DNER: variants seen among roughly 807,000 people sequenced by gnomAD.
The protein encoded by DNER is delta and Notch-like epidermal growth factor-related receptor.
In DNER, 33 loss-of-function variants were observed where a neutral mutation model predicts 78.2. That is an observed-to-expected ratio of 0.42 (90% CI 0.32 to 0.56). The LOEUF is 0.56. DNER is among the 20% of genes least tolerant of loss of function. The probability of loss-of-function intolerance (pLI) is 0.11; values close to 1 mark genes in which losing one functional copy is unlikely to be tolerated. For missense variants in DNER, 918 were observed against 975.3 expected, an observed-to-expected ratio of 0.94 and a Z score of 0.78; for synonymous variants, 417 against 384.8, an observed-to-expected ratio of 1.08 and a Z score of -0.98.
At chr2:229,450,185 T>C (rs1282673204) in intron 7 of DNER, among the ~76,000 whole-genome samples, 1 of 152,238 alleles carries the variant, frequency 6.6e-6, no homozygotes, top group Admixed American at 6.5e-5. Context: ...CTCTGTCAAC[T>C]CTTTTAGTTG....
intron 8 of DNER, among the ~76,000 whole-genome samples, chr2:229,433,986 T>C (rs1447653400): frequency 6.6e-6 from 1 of 152,218 alleles, no homozygotes; most frequent in East Asian, 1.9e-4. Flanking sequence ...CAATCTAAGG[T>C]AACAATTTTT....
rs1283921227 is a variant in DNER, at chr2:229,668,558, A to G, written c.276+45590T>C. ...TGTGTATATATATATATATATATAT[A>G]TATATATATATATATATATATAAAA... On this transcript the variant is annotated intron_variant, in intron 1 of 12. Transcript: ENST00000341772. Among the ~76,000 whole-genome samples, 34 of 124,872 alleles carry G rather than the reference A, an allele frequency of 2.7e-4. No homozygotes were observed. The East Asian group carries it at 3.6e-3, about 13-fold the overall frequency. 81.9% of individuals were successfully genotyped at this position (124,872 alleles called of 152,430 possible). A position where few individuals can be genotyped will look rare whatever the true frequency, so the allele number is the denominator to read the frequency against.
Position 229,591,469 on chromosome 2 carries a change from G to A in DNER, c.585+111C>T, listed in dbSNP as rs188562559. The A allele has an allele frequency of 3.6e-5, 48 of 1,324,292 alleles. No individual in the cohort carries two copies. Among genetic ancestry groups the A allele is most frequent in the Admixed American group, 1.2e-4 (4 of 34,654 alleles). The allele number at this position is 1,324,292 out of a possible 1,614,324, so 82.0% of individuals were successfully genotyped here. A position where few individuals can be genotyped will look rare whatever the true frequency, so the allele number is the denominator to read the frequency against. ...TAAGTTTAGGGAGATATTTTGCTTCGTGATTTAACTTAAAATGCTTTCATT... is the reference window on the plus strand; with the variant it reads ...TAAGTTTAGGGAGATATTTTGCTTCATGATTTAACTTAAAATGCTTTCATT... On this transcript the variant is annotated intron_variant, in intron 2 of 12. Transcript: ENST00000341772. The surrounding 1 kb of genome is among the most constrained non-coding windows in gnomAD (Gnocchi z 4.6).
chr2:229,616,217 A>G (rs1347213134), intron 1 of DNER, among the ~76,000 whole-genome samples: 3 of 152,164 alleles, frequency 2.0e-5, no homozygotes, highest in African/African-American at 7.2e-5. Context: ...ACGGACCACC[A>G]CGGGCTATGG....
intron 1 of DNER, among the ~76,000 whole-genome samples, chr2:229,632,768 A>T (rs1420668611): frequency 6.6e-6 from 1 of 152,216 alleles, no homozygotes; most frequent in Non-Finnish European, 1.5e-5. Flanking sequence ...TATTTGCCAC[A>T]AAGTGTTAAC....
chr2:229,408,067 T>A lies in DNER; in HGVS notation c.1610-722A>T, dbSNP rs79298437. Among the ~76,000 whole-genome samples the A allele has an allele frequency of 1.9e-3, 285 of 152,198 alleles. 11 individuals carry two copies. In the East Asian group the frequency reaches 0.05, roughly 27 times the overall value. ...TTGACTGTGGAAATATACAAAACTC[T>A]ATGGAGCTCAGCACTCGTTTAACAA... is the stretch of plus-strand genomic sequence containing the variant. On this transcript the variant is annotated intron_variant, in intron 9 of 12. Coordinates refer to ENST00000341772, the MANE Select transcript of DNER (RefSeq NM_139072.4).
chr2:229,531,634 G>T (rs1376690854), intron 5 of DNER, among the ~76,000 whole-genome samples: 1 of 152,210 alleles, frequency 6.6e-6, no homozygotes, highest in Non-Finnish European at 1.5e-5. Flanking sequence ...GAATTAGCAC[G>T]TGAACCAGCA....
At chr2:229,617,769 C>T (rs1698191111) in intron 1 of DNER, among the ~76,000 whole-genome samples, 1 of 151,940 alleles carries the variant, frequency 6.6e-6, no homozygotes, top group African/African-American at 2.4e-5. Flanking sequence ...GCCTGAGCAA[C>T]ATGGCAAACC....
intron 4 of DNER, among the ~76,000 whole-genome samples, chr2:229,581,295 A>T (rs573532679): frequency 1.6e-3 from 251 of 152,346 alleles, no homozygotes; most frequent in Admixed American, 7.7e-3. Context: ...TTTCATGGAA[A>T]TGTGACTGGA....
At position 229,501,404 on chromosome 2, in the gene DNER, T is replaced by C. The variant is rs77249465; in HGVS notation, c.1147+11379A>G. ...AACCAACTCAAAACCCAATCTGCCA[T>C]ATTCATGCATTCTAGATTACCCATA... On this transcript the variant is annotated intron_variant, in intron 6 of 12. Transcript: ENST00000341772. Among the ~76,000 whole-genome samples, 779 of 151,524 alleles carry C rather than the reference T, an allele frequency of 5.1e-3. 3 individuals are homozygous for C. Among genetic ancestry groups the C allele is most frequent in the African/African-American group, 0.017 (706 of 41,278 alleles).
chr2:229,432,249 T>C (rs1380952127), intron 8 of DNER, among the ~76,000 whole-genome samples: 1 of 152,198 alleles, frequency 6.6e-6, no homozygotes, highest in African/African-American at 2.4e-5. Flanking sequence ...TGGTTTATAA[T>C]TGAGGTGAGG....
At chr2:229,497,294 G>A (rs1695519863) in intron 6 of DNER, among the ~76,000 whole-genome samples, 1 of 152,040 alleles carries the variant, frequency 6.6e-6, no homozygotes, top group South Asian at 2.1e-4. Context: ...ATAGGATGCA[G>A]TTAAAGCAGT....
At position 229,594,500 on chromosome 2, in the gene DNER, T is replaced by C. The variant is rs866433241; in HGVS notation, c.277-2612A>G. 2.0e-5 allele frequency among the ~76,000 whole-genome samples: 3 copies of C among 151,840 alleles called. No individual in the cohort carries two copies. The South Asian group carries it at 6.2e-4, about 31-fold the overall frequency. ...TACTAGAGAGGCTAAGGCGGGAGAA[T>C]CATTTGAACCCAGGAGGCAGAGGTT... On this transcript the variant is annotated intron_variant, in intron 1 of 12. Transcript: ENST00000341772.
chr2:229,369,344 G>C (rs1456189850), intron 11 of DNER, among the ~76,000 whole-genome samples: 1 of 145,080 alleles, frequency 6.9e-6, no homozygotes, highest in Non-Finnish European at 1.5e-5. Context: ...TTAAAAAAAA[G>C]TTTTAACTTT....
At position 229,552,891 on chromosome 2, in the gene DNER, T is replaced by C. The variant is rs116606777; in HGVS notation, c.848-5799A>G. 2.1e-3 allele frequency among the ~76,000 whole-genome samples: 325 copies of C among 152,268 alleles called. 4 individuals carry two copies. Among genetic ancestry groups the C allele is most frequent in the African/African-American group, 7.4e-3 (308 of 41,550 alleles). Reference sequence around the variant, plus strand: ...AGAGGAGCCAGACCCCATCTTCTCCTTTGTCTGGCCAGAGGACTATAAAAA... The same window carrying C: ...AGAGGAGCCAGACCCCATCTTCTCCCTTGTCTGGCCAGAGGACTATAAAAA... On this transcript the variant is annotated intron_variant, in intron 4 of 12. Coordinates refer to ENST00000341772, the MANE Select transcript of DNER (RefSeq NM_139072.4).
intron 6 of DNER, among the ~76,000 whole-genome samples, chr2:229,496,094 T>C (rs1695495336): frequency 6.6e-6 from 1 of 152,204 alleles, no homozygotes; most frequent in Non-Finnish European, 1.5e-5. Flanking sequence ...ATATAGCCTA[T>C]GTCAGGTCAA....
intron 8 of DNER, among the ~76,000 whole-genome samples, chr2:229,440,813 T>A (rs1694217639): frequency 6.6e-6 from 1 of 152,194 alleles, no homozygotes; most frequent in Non-Finnish European, 1.5e-5. Context: ...CGCATCCAAC[T>A]GACAACTGAA....
intron 7 of DNER, among the ~76,000 whole-genome samples, chr2:229,450,016 G>A (rs1459504532): frequency 2.6e-5 from 4 of 152,180 alleles, no homozygotes; most frequent in East Asian, 1.9e-4. Flanking sequence ...TCCTGACCTC[G>A]TGATCAACCT....
At chr2:229,457,713 T>C (rs58879014) in intron 7 of DNER, among the ~76,000 whole-genome samples, 14,841 of 148,126 alleles carry the variant, frequency 0.1, 1,718 homozygotes, top group African/African-American at 0.28. Flanking sequence ...CATATCAAGG[T>C]TATATTGAAT....
Sources: gnomAD v4.1 joint callset for allele counts (sites outside exome capture counted in the v4.1 genomes callset) on GRCh38, gnomAD v4.1.1 for gene constraint, Gnocchi (gnomAD v3.1) non-coding constraint, MANE v1.5 for transcripts, NCBI Gene and HGNC (gene_info 2026-07-23, HGNC 2026-07-21) for gene names.